Variants in FRMD4B observed in about 807,000 individuals in gnomAD.
FRMD4B encodes FERM domain-containing protein 4B.
In FRMD4B, 74 loss-of-function variants were observed where a neutral mutation model predicts 141.5. The observed-to-expected ratio is 0.52, with a 90% CI of 0.43 to 0.63. The LOEUF is 0.63. FRMD4B is among the 30% of genes least tolerant of loss of function. The pLI, the probability that FRMD4B is intolerant of heterozygous loss-of-function variation, is 0.00. For synonymous variants in FRMD4B, 506 were observed against 467.9 expected, an observed-to-expected ratio of 1.08 and a Z score of -1.05; for missense variants, 1,366 against 1,253.4, an observed-to-expected ratio of 1.09 and a Z score of -1.36.
intron 2 of FRMD4B, among the ~76,000 whole-genome samples, chr3:69,421,070 C>T (rs1704969404): frequency 6.6e-6 from 1 of 152,220 alleles, no homozygotes; most frequent in Non-Finnish European, 1.5e-5. Flanking sequence ...AGACCTCACC[C>T]ACCCAGTGTC....
chr3:69,540,741 C>A (rs1396017897), intron 1 of FRMD4B, among the ~76,000 whole-genome samples: 4 of 149,778 alleles, frequency 2.7e-5, no homozygotes, highest in African/African-American at 9.9e-5. Flanking sequence ...TTACCACCAC[C>A]ACTGCAGCAC....
Position 69,216,189 on chromosome 3 carries a change from G to A in FRMD4B, c.876+74C>T, listed in dbSNP as rs1248762663. ...AAAAAAACCCCAACAACCTAATGGT[G>A]TGTGCTTTTCAACTATGTTGTGATT... On this transcript the variant is annotated intron_variant, in intron 11 of 22. Transcript: ENST00000398540. The A allele has an allele frequency of 5.0e-5, 41 of 826,708 alleles. No individual in the cohort carries two copies. The East Asian group carries it at 1.1e-3, about 22-fold the overall frequency. The allele number at this position is 826,708 out of a possible 1,614,324, so 51.2% of individuals were successfully genotyped here. A position where few individuals can be genotyped will look rare whatever the true frequency, so the allele number is the denominator to read the frequency against.
At chr3:69,291,537 CT>C (rs1162244713) in intron 4 of FRMD4B, among the ~76,000 whole-genome samples, 1 of 152,128 alleles carries the variant, frequency 6.6e-6, no homozygotes, top group Non-Finnish European at 1.5e-5. Context: ...GTGAGACCTG[CT>C]TGGGGGACAC....
chr3:69,422,826 G>A (rs528064687), intron 2 of FRMD4B, among the ~76,000 whole-genome samples: 14 of 152,208 alleles, frequency 9.2e-5, no homozygotes, highest in African/African-American at 3.1e-4. Flanking sequence ...CTTAGCTCAG[G>A]ACGGTAGCAA....
intron 1 of FRMD4B, among the ~76,000 whole-genome samples, chr3:69,523,104 CCATATAATAA>C (rs1044656673): frequency 3.4e-5 from 5 of 148,088 alleles, no homozygotes; most frequent in Admixed American, 2.0e-4. Flanking sequence ...CCTGGAGAGG[CCATATAATAA>C]CAAGTGAAAA....
intron 1 of FRMD4B, among the ~76,000 whole-genome samples, chr3:69,441,328 C>G (rs1428789132): frequency 6.6e-6 from 1 of 150,612 alleles, no homozygotes; most frequent in Non-Finnish European, 1.5e-5. Context: ...CTCAAACATA[C>G]CAAGCTAATT....
intron 1 of FRMD4B, among the ~76,000 whole-genome samples, chr3:69,541,969 C>T (rs960046176): frequency 3.9e-5 from 6 of 152,088 alleles, no homozygotes; most frequent in African/African-American, 1.4e-4. Context: ...GTCTCCATAC[C>T]ACCAAAGCGA....
At chr3:69,336,770 C>T (rs1468348303) in intron 1 of FRMD4B, among the ~76,000 whole-genome samples, 1 of 152,052 alleles carries the variant, frequency 6.6e-6, no homozygotes, top group Non-Finnish European at 1.5e-5. Context: ...GAGAGAAACC[C>T]TATCTCTACT....
intron 4 of FRMD4B, among the ~76,000 whole-genome samples, chr3:69,296,501 C>G (rs1214481676): frequency 6.6e-6 from 1 of 152,070 alleles, no homozygotes; most frequent in Non-Finnish European, 1.5e-5. Flanking sequence ...ATAGGCTGGG[C>G]CAGTTAGGGG....
At chr3:69,311,972 G>A (rs1051650647) in intron 2 of FRMD4B, among the ~76,000 whole-genome samples, 2 of 152,164 alleles carry the variant, frequency 1.3e-5, no homozygotes, top group Non-Finnish European at 2.9e-5. Flanking sequence ...CTTGCTTGAT[G>A]TTACATTGTT....
At chr3:69,325,396 T>C (rs1702159638) in intron 1 of FRMD4B, among the ~76,000 whole-genome samples, 1 of 152,212 alleles carries the variant, frequency 6.6e-6, no homozygotes, top group South Asian at 2.1e-4. Flanking sequence ...GACAATCCCT[T>C]ATCAGATTCT....
At chr3:69,266,592 C>G (rs761683077) in intron 5 of FRMD4B, among the ~76,000 whole-genome samples, 12 of 152,102 alleles carry the variant, frequency 7.9e-5, no homozygotes, top group Non-Finnish European at 1.8e-4. Context: ...TCCCAAAGTG[C>G]TGGGATTACA....
intron 11 of FRMD4B, among the ~76,000 whole-genome samples, chr3:69,204,396 C>T (rs1247855415): frequency 6.6e-6 from 1 of 152,052 alleles, no homozygotes; most frequent in African/African-American, 2.4e-5. Flanking sequence ...CTCATAGTAC[C>T]TATAGGTTAA....
intron 4 of FRMD4B, among the ~76,000 whole-genome samples, chr3:69,300,677 C>T (rs183256975): frequency 9.8e-4 from 150 of 152,356 alleles, no homozygotes; most frequent in Non-Finnish European, 1.6e-3. Context: ...ATAAACACTA[C>T]ACCACATGCA....
chr3:69,455,105 C>T (rs1445823253), intron 1 of FRMD4B, among the ~76,000 whole-genome samples: 1 of 152,174 alleles, frequency 6.6e-6, no homozygotes, highest in African/African-American at 2.4e-5. Flanking sequence ...ATTGTAAATG[C>T]ACCAATCAGC....
In FRMD4B at chr3:69,240,076, A is replaced by ACC. The variant is rs56933930; in HGVS notation, c.581+9148_581+9149dup. ...CTCAAACACACACACACACACACAC[A>ACC]CCCAACATAAACATTACTTAACACT... is the stretch of plus-strand genomic sequence containing the variant. On this transcript the variant is annotated intron_variant, in intron 7 of 22. Coordinates refer to ENST00000398540, the MANE Select transcript of FRMD4B (RefSeq NM_015123.3). 3.3e-3 allele frequency among the ~76,000 whole-genome samples: 506 copies of ACC among 151,754 alleles called. 16 individuals are homozygous for ACC. Among genetic ancestry groups the ACC allele is most frequent in the African/African-American group, 0.011 (461 of 41,322 alleles).
At chr3:69,416,615 T>C (rs770545406) in intron 2 of FRMD4B, among the ~76,000 whole-genome samples, 23 of 152,272 alleles carry the variant, frequency 1.5e-4, no homozygotes, top group Non-Finnish European at 2.6e-4. Flanking sequence ...ATATGTGCCA[T>C]GGTGGTTTGC....
intron 2 of FRMD4B, among the ~76,000 whole-genome samples, chr3:69,396,908 C>T (rs1242553337): frequency 6.6e-6 from 1 of 152,060 alleles, no homozygotes; most frequent in African/African-American, 2.4e-5. Context: ...TCATAATAGC[C>T]AAATGGTGGG....
In FRMD4B at chr3:69,216,213, T is replaced by C. The variant is rs370504326; in HGVS notation, c.876+50A>G. Reference sequence around the variant, plus strand: ...TGTGTGCTTTTCAACTATGTTGTGATTAACATGTTTTGAACAGTTCAAAGT... The same window carrying C: ...TGTGTGCTTTTCAACTATGTTGTGACTAACATGTTTTGAACAGTTCAAAGT... On this transcript the variant is annotated intron_variant, in intron 11 of 22. Transcript: ENST00000398540. 92 of 965,694 alleles carry C rather than the reference T, an allele frequency of 9.5e-5. No homozygotes were observed. In the African/African-American group the frequency reaches 1.1e-3, roughly 12 times the overall value. The allele number at this position is 965,694 out of a possible 1,614,324, so 59.8% of individuals were successfully genotyped here.
Sources: gnomAD v4.1 joint callset for allele counts (sites outside exome capture counted in the v4.1 genomes callset) on GRCh38, gnomAD v4.1.1 for gene constraint, MANE v1.5 for transcripts, NCBI Gene and HGNC (gene_info 2026-07-23, HGNC 2026-07-21) for gene names.